Variants in MED13L observed in about 807,000 individuals in gnomAD.
MED13L encodes mediator complex subunit 13L.
Under a neutral mutation model 220.9 loss-of-function variants are expected in MED13L, and 7 were observed. The ratio of observed to expected loss-of-function variants is 0.03; its 90% confidence interval spans 0.02 to 0.06. The LOEUF (loss-of-function observed/expected upper bound fraction) is 0.06. Among genes scored for constraint, MED13L ranks in the 10% least tolerant of loss-of-function variants. The pLI is 1.00. For missense variants in MED13L, 1,965 were observed against 2,760.5 expected (o/e 0.71, Z 6.46); for synonymous variants, 1,011 against 1,015.2 (o/e 1.00, Z 0.08).
rs968131499 is a variant in MED13L, at chr12:115,996,881, G to A, written c.2790+129C>T. On this transcript the variant is annotated intron_variant, in intron 15 of 30. Coordinates refer to ENST00000281928, the MANE Select transcript of MED13L (RefSeq NM_015335.5). ...TAATATGCCTGCTGGTGTGCCTCAT[G>A]TTCTAATTAAAAGGATTCTTAGGAA... The A allele has an allele frequency of 2.7e-6, 3 of 1,124,446 alleles. No individual in the cohort carries two copies. The African/African-American group carries it at 4.6e-5, about 17-fold the overall frequency. 69.7% of individuals were successfully genotyped at this position (1,124,446 alleles called of 1,614,324 possible).
At chr12:116,110,313 T>C (rs745764114) in intron 3 of MED13L, 6 of 151,698 alleles carry the variant, frequency 4.0e-5, no homozygotes, top group Non-Finnish European at 7.4e-5. Flanking sequence ...CTATAATCCA[T>C]TGAATAAAAT....
At chr12:116,242,699 T>A (rs1337147846) in intron 1 of MED13L, among the ~76,000 whole-genome samples, 1 of 152,192 alleles carries the variant, frequency 6.6e-6, no homozygotes, top group Non-Finnish European at 1.5e-5. Context: ...TACTAGTGAC[T>A]TCATATATAA....
At chr12:116,023,563 T>C (rs1478137597) in intron 4 of MED13L, among the ~76,000 whole-genome samples, 1 of 152,156 alleles carries the variant, frequency 6.6e-6, no homozygotes, top group East Asian at 1.9e-4. Context: ...AAAAAAAATG[T>C]TGTTTCAAGT....
intron 2 of MED13L, chr12:116,174,861 T>C (rs1879933961): frequency 6.6e-6 from 1 of 152,078 alleles, no homozygotes; most frequent in African/African-American, 2.4e-5. Flanking sequence ...AGCCCAGGAG[T>C]TGGAGACCAG....
At chr12:116,173,688 G>A (rs1029768663) in intron 2 of MED13L, among the ~76,000 whole-genome samples, 2 of 152,058 alleles carry the variant, frequency 1.3e-5, no homozygotes, top group African/African-American at 2.4e-5. Flanking sequence ...ATAACAAAAC[G>A]AGAAATTCAC....
At chr12:116,223,923 C>A (rs1868693437) in intron 2 of MED13L, among the ~76,000 whole-genome samples, 2 of 152,178 alleles carry the variant, frequency 1.3e-5, no homozygotes, top group Non-Finnish European at 2.9e-5. Flanking sequence ...TGGTGCTAGA[C>A]TGATAATCTT....
chr12:116,066,851 TC>T lies in MED13L; in HGVS notation c.479+29817del, dbSNP rs1260573791. ...GGTCACATGCAGCCACTCCAACACT[TC>T]CTGCTACTTCATCTTCTACAGTTGG... is the stretch of plus-strand genomic sequence containing the variant. On this transcript the variant is annotated intron_variant, in intron 4 of 30. Coordinates refer to ENST00000281928, the MANE Select transcript of MED13L (RefSeq NM_015335.5). Among the ~76,000 whole-genome samples, 5 of 152,214 alleles carry T rather than the reference TC, an allele frequency of 3.3e-5. No individual in the cohort carries two copies. The East Asian group carries it at 9.6e-4, about 29-fold the overall frequency.
intron 2 of MED13L, among the ~76,000 whole-genome samples, chr12:116,179,204 CGTGTGT>C (rs60501771): frequency 0.027 from 4,067 of 148,144 alleles, 121 homozygotes; most frequent in African/African-American, 0.075. Flanking sequence ...TGACGATTTA[CGTGTGT>C]GTGTGTGTGT....
chr12:116,267,684 A>G (rs1872936605), intron 1 of MED13L, among the ~76,000 whole-genome samples: 2 of 152,224 alleles, frequency 1.3e-5, no homozygotes, highest in East Asian at 3.8e-4. Flanking sequence ...CTGGGCTCAT[A>G]GAAAACAATC....
intron 5 of MED13L, among the ~76,000 whole-genome samples, chr12:116,021,652 G>C (rs1880065961): frequency 6.6e-6 from 1 of 152,080 alleles, no homozygotes; most frequent in Non-Finnish European, 1.5e-5. Context: ...TAAAATATCA[G>C]TGTTTTTTAA....
chr12:116,126,768 C>T (rs1875623639), intron 2 of MED13L, among the ~76,000 whole-genome samples: 1 of 152,148 alleles, frequency 6.6e-6, no homozygotes, highest in African/African-American at 2.4e-5. Flanking sequence ...CTTTCCCACT[C>T]ATATTGCATA....
intron 2 of MED13L, among the ~76,000 whole-genome samples, chr12:116,194,240 G>A (rs970638544): frequency 6.6e-5 from 10 of 151,686 alleles, no homozygotes; most frequent in African/African-American, 9.7e-5. Flanking sequence ...ACCTCGGCTC[G>A]TCGCAACCTC....
chr12:116,168,031 G>C (rs1031591938), intron 2 of MED13L, among the ~76,000 whole-genome samples: 2 of 152,046 alleles, frequency 1.3e-5, no homozygotes, highest in Non-Finnish European at 2.9e-5. Context: ...TTCGCCACAT[G>C]CAATTTTCCT....
intron 1 of MED13L, among the ~76,000 whole-genome samples, chr12:116,255,415 A>G (rs1468892393): frequency 6.6e-6 from 1 of 152,352 alleles, no homozygotes; most frequent in East Asian, 1.9e-4. Context: ...CTAATTAACT[A>G]ATGCTGTAAA....
chr12:116,247,289 G>A (rs967121802), intron 1 of MED13L, among the ~76,000 whole-genome samples: 6 of 151,798 alleles, frequency 4.0e-5, no homozygotes, highest in African/African-American at 1.2e-4. Context: ...GTAATAGAAT[G>A]TAAAGCTACT....
intron 4 of MED13L, among the ~76,000 whole-genome samples, chr12:116,027,644 C>G (rs1880482497): frequency 6.6e-6 from 1 of 152,106 alleles, no homozygotes. Flanking sequence ...GAGGAGTGCT[C>G]TAGAGAAATC....
rs1870811196 is a variant in MED13L, at chr12:116,243,264, T to C, written c.73-5559A>G. Among the ~76,000 whole-genome samples the C allele has an allele frequency of 2.6e-5, 4 of 152,096 alleles. No homozygotes were observed. In the South Asian group the frequency reaches 6.2e-4, roughly 24 times the overall value. On this transcript the variant is annotated intron_variant, in intron 1 of 30. Transcript: ENST00000281928. Reference sequence around the variant, plus strand: ...AGGGGTAGTCAGGGTTCTCAGAAAATTGAACTTAACCCATTTATGCAGGAG... The same window carrying C: ...AGGGGTAGTCAGGGTTCTCAGAAAACTGAACTTAACCCATTTATGCAGGAG...
At chr12:116,190,334 GGATT>G (rs915539121) in intron 2 of MED13L, among the ~76,000 whole-genome samples, 12 of 152,070 alleles carry the variant, frequency 7.9e-5, no homozygotes, top group South Asian at 4.1e-4. Flanking sequence ...GGATTGTTAT[GGATT>G]ATTATGTTTG....
Position 115,991,333 on chromosome 12 carries a change from G to A in MED13L, c.3621C>T (p.Thr1207=). 6.2e-7 allele frequency: 1 copy of A among 1,613,992 alleles called. No individual in the cohort carries two copies. Among genetic ancestry groups the A allele is most frequent in the Middle Eastern group, 1.6e-4 (1 of 6,062 alleles). The part of the protein sequence containing the change: ...AERRLMMCQS[T]FLPQVEGTKK... ...TGGTTCCTTCCACCTGAGGAAGGAA[G>A]GTGGACTGACACATCATTAAGCGCC... is the stretch of plus-strand genomic sequence containing the variant. Residue 1207 remains threonine, a synonymous_variant, in exon 17 of 31, where the codon ACC becomes ACT. Coordinates refer to ENST00000281928, the MANE Select transcript of MED13L (RefSeq NM_015335.5). This position sits in a 1 kb window ranked among gnomAD's most constrained non-coding sequence, Gnocchi z 7.7.
Sources: allele counts gnomAD v4.1 joint callset (sites outside exome capture counted in the v4.1 genomes callset), GRCh38; gene constraint gnomAD v4.1.1; non-coding constraint Gnocchi (gnomAD v3.1); transcripts MANE v1.5; gene names NCBI Gene and HGNC (gene_info 2026-07-23, HGNC 2026-07-21).